The following SCN7A variants were observed in gnomAD, a reference collection of about 807,000 sequenced individuals.
SCN7A encodes the protein sodium channel protein type 7 subunit alpha.
A neutral mutation model predicts 155.2 loss-of-function variants in SCN7A; 138 were observed. That is an observed-to-expected ratio of 0.89 (90% confidence interval 0.77 to 1.02). The LOEUF (loss-of-function observed/expected upper bound fraction) is 1.02. Among genes scored for constraint, SCN7A ranks in the 50% least tolerant of loss-of-function variants. The pLI is 0.00. For synonymous variants in SCN7A, 693 were observed against 649.0 expected (o/e 1.07, Z -1.03); for missense variants, 2,058 against 1,986.6 (o/e 1.04, Z -0.68).
At chr2:166,457,835 C>T (rs1575045031) in intron 10 of SCN7A, among the ~76,000 whole-genome samples, 1 of 152,056 alleles carries the variant, frequency 6.6e-6, no homozygotes, top group Non-Finnish European at 1.5e-5. Flanking sequence ...GATTTAACCT[C>T]ATTGATCAAA....
chr2:166,412,223 A>G (rs1424381488), intron 23 of SCN7A, among the ~76,000 whole-genome samples: 2 of 152,100 alleles, frequency 1.3e-5, no homozygotes, highest in Non-Finnish European at 2.9e-5. Context: ...CATATTTGTG[A>G]AGATAGAAAA....
Position 166,406,762 on chromosome 2 carries a change from T to A in SCN7A, c.3983-116A>T, listed in dbSNP as rs1052326677. 3 of 744,854 alleles carry A rather than the reference T, an allele frequency of 4.0e-6. No homozygotes were observed. In the South Asian group the frequency reaches 6.1e-5, roughly 15 times the overall value. 46.1% of individuals were successfully genotyped at this position (744,854 alleles called of 1,614,324 possible). On this transcript the variant is annotated intron_variant, in intron 25 of 25. Coordinates refer to ENST00000643258, the MANE Select transcript of SCN7A (RefSeq NM_002976.4). ...CCCTGTTTTATTAATCCTTTATTGA[T>A]CCCTTCCATTTTACTAATCATTCTC...
In SCN7A at chr2:166,427,773, T is replaced by C. The variant is rs768353288; in HGVS notation, c.2853+15A>G. 5 of 1,600,232 alleles carry C rather than the reference T, an allele frequency of 3.1e-6. No homozygotes were observed. In the East Asian group the frequency reaches 9.0e-5, roughly 29 times the overall value. ...GTCCCCAGCAAAGTATCAAACACCC[T>C]GGCTGCCCACTTACCAGAGTGCCAG... On this transcript the variant is annotated intron_variant, in intron 18 of 25. Coordinates refer to ENST00000643258, the MANE Select transcript of SCN7A (RefSeq NM_002976.4).
chr2:166,420,415 A>G (rs1000742823), intron 20 of SCN7A, among the ~76,000 whole-genome samples: 82 of 152,220 alleles, frequency 5.4e-4, no homozygotes, highest in African/African-American at 1.9e-3. Flanking sequence ...AAACACATAA[A>G]TGTATTATAA....
intron 15 of SCN7A, among the ~76,000 whole-genome samples, chr2:166,434,790 G>T (rs538251024): frequency 6.6e-6 from 1 of 151,874 alleles, no homozygotes; most frequent in Non-Finnish European, 1.5e-5. Context: ...ATAACAGAAG[G>T]CTGTTAGTGT....
intron 9 of SCN7A, among the ~76,000 whole-genome samples, chr2:166,464,667 T>C (rs1477096539): frequency 1.3e-5 from 2 of 152,152 alleles, no homozygotes; most frequent in Non-Finnish European, 2.9e-5. Context: ...CAGGTTGGCC[T>C]CAAACATGCA....
chr2:166,436,908 T>G (rs1701851367), intron 15 of SCN7A, among the ~76,000 whole-genome samples: 1 of 152,146 alleles, frequency 6.6e-6, no homozygotes, highest in South Asian at 2.1e-4. Flanking sequence ...AGAAGAAATT[T>G]CTAAGTGGCA....
At chr2:166,471,812 T>C (rs568166834) in intron 6 of SCN7A, among the ~76,000 whole-genome samples, 1 of 151,748 alleles carries the variant, frequency 6.6e-6, no homozygotes, top group South Asian at 2.1e-4. Flanking sequence ...GCAACGTAGA[T>C]TGGGAATTGA....
intron 9 of SCN7A, 106 bp downstream of exon 9, chr2:166,465,356 T>G: frequency 1.4e-5 from 11 of 800,388 alleles, no homozygotes; most frequent in Non-Finnish European, 2.2e-5. Flanking sequence ...GATGATGAAA[T>G]GAGATAATAC....
rs1250208706 is a variant in SCN7A, at chr2:166,456,983, G to A, written c.1177C>T (p.Leu393Phe). 1.2e-5 allele frequency: 19 copies of A among 1,608,048 alleles called. No homozygotes were observed. The highest frequency in any genetic ancestry group is 1.7e-5 in the Admixed American group (1 of 59,254). The change falls in exon 11 of 26, where the codon CTT (leucine) becomes TTT (phenylalanine). Residue 393 changes from leucine to phenylalanine, a missense_variant. Transcript: ENST00000643258. ...TTTTCTTCTTCATAGGCCATGGCAA[G>A]TATGCCTAAGAACAAACTTGCCATA... is the stretch of plus-strand genomic sequence containing the variant. ...FYMASLFLGILAMAYEEEKQR... is the reference protein window; with the variant it reads ...FYMASLFLGIFAMAYEEEKQR...
intron 7 of SCN7A, 36 bp from the exon 8 acceptor site, chr2:166,466,023 A>G (rs1702528046): frequency 2.0e-6 from 3 of 1,497,298 alleles, no homozygotes; most frequent in Non-Finnish European, 2.7e-6. Context: ...AAATAATGTA[A>G]TATCTTAGAA....
At position 166,416,748 on chromosome 2, in the gene SCN7A, AG is replaced by A; in HGVS notation, c.3372del (p.Phe1125LeufsTer14). On this transcript the variant is annotated frameshift_variant, in exon 21 of 26. Coordinates refer to ENST00000643258, the MANE Select transcript of SCN7A (RefSeq NM_002976.4). LOFTEE classifies it high-confidence loss of function. ...AGGAAACCATTTCCAACATTATCAA[AG>A]TTCATTTTTGCATTTTCCCATAGCA... ...ESMLWENAKM[N>X]FDNVGNGFLS... is the part of the protein sequence containing the mutation. The A allele has an allele frequency of 6.2e-7, 1 of 1,611,722 alleles. No homozygotes were observed. The highest frequency in any genetic ancestry group is 8.5e-7 in the Non-Finnish European group (1 of 1,178,726).
chr2:166,470,859 G>A (rs1362061325), intron 6 of SCN7A, among the ~76,000 whole-genome samples, 153 bp from the exon 7 acceptor site: 1 of 151,652 alleles, frequency 6.6e-6, no homozygotes, highest in Non-Finnish European at 1.5e-5. Context: ...TTTTATTATT[G>A]ATTAGAAGAC....
intron 2 of SCN7A, among the ~76,000 whole-genome samples, chr2:166,483,687 GTGC>G (rs1288515991): frequency 6.6e-6 from 1 of 151,758 alleles, no homozygotes; most frequent in Non-Finnish European, 1.5e-5. Flanking sequence ...ATGAAGGAAA[GTGC>G]TGGTTAGGGT....
At chr2:166,415,223 CTT>C (rs573283624) in intron 21 of SCN7A, among the ~76,000 whole-genome samples, 11 of 135,804 alleles carry the variant, frequency 8.1e-5, no homozygotes, top group African/African-American at 1.1e-4. Flanking sequence ...ACTTTTGTCT[CTT>C]TTTTTTTTTT....
chr2:166,419,139 T>A (rs761421547), intron 20 of SCN7A, among the ~76,000 whole-genome samples: 4 of 152,146 alleles, frequency 2.6e-5, no homozygotes, highest in Admixed American at 6.6e-5. Flanking sequence ...TTGTTACTTT[T>A]TTTTCCTCCC....
chr2:166,415,476 G>A (rs930944159), intron 21 of SCN7A, among the ~76,000 whole-genome samples: 1 of 151,832 alleles, frequency 6.6e-6, no homozygotes, highest in Non-Finnish European at 1.5e-5. Context: ...GCCCACCTCG[G>A]CCTCCCAAAG....
chr2:166,414,370 T>C (rs1465234961), intron 21 of SCN7A: 2 of 126,506 alleles, frequency 1.6e-5, no homozygotes, highest in African/African-American at 3.0e-5. Context: ...ACAGAGGAAA[T>C]ACAGATACTA....
At chr2:166,480,218 G>A (rs1702889488) in intron 2 of SCN7A, among the ~76,000 whole-genome samples, 1 of 152,150 alleles carries the variant, frequency 6.6e-6, no homozygotes, top group African/African-American at 2.4e-5. Context: ...AGCACTTTGG[G>A]AGGCTGAGGC....
Sources: allele counts gnomAD v4.1 joint callset (sites outside exome capture counted in the v4.1 genomes callset), GRCh38; gene constraint gnomAD v4.1.1; transcripts MANE v1.5; gene names NCBI Gene and HGNC (gene_info 2026-07-23, HGNC 2026-07-21).